LAMA2: variants seen among roughly 807,000 people sequenced by gnomAD.
The protein encoded by LAMA2 is laminin subunit alpha 2, also known as laminin subunit alpha-2.
Under a neutral mutation model 364.8 loss-of-function variants are expected in LAMA2, and 269 were observed. The ratio of observed to expected loss-of-function variants is 0.74; its 90% CI spans 0.67 to 0.82. The LOEUF (loss-of-function observed/expected upper bound fraction) is 0.82. Among genes scored for constraint, LAMA2 ranks in the 40% least tolerant of loss-of-function variants. The pLI, the probability that LAMA2 is intolerant of heterozygous loss-of-function variation, is 0.00. For missense variants in LAMA2, 3,807 were observed against 3,873.2 expected (o/e 0.98, Z 0.45); for synonymous variants, 1,379 against 1,370.6 (o/e 1.01, Z -0.14).
chr6:129,354,389 G>A (rs1286575986), intron 32 of LAMA2, among the ~76,000 whole-genome samples: 3 of 151,974 alleles, frequency 2.0e-5, no homozygotes, highest in Non-Finnish European at 4.4e-5. Context: ...TAAATGTGAA[G>A]GTAGGTGAGA....
At chr6:129,058,187 A>G (rs184594795) in intron 2 of LAMA2, among the ~76,000 whole-genome samples, 1 of 152,226 alleles carries the variant, frequency 6.6e-6, no homozygotes, top group South Asian at 2.1e-4. Context: ...GAGAGGGAGA[A>G]AGAAAAAGAC....
chr6:129,123,514 A>T (rs952045251), intron 4 of LAMA2, among the ~76,000 whole-genome samples: 1 of 152,168 alleles, frequency 6.6e-6, no homozygotes, highest in African/African-American at 2.4e-5. Flanking sequence ...AAATAAGGAA[A>T]ATGTGGTATA....
intron 12 of LAMA2, among the ~76,000 whole-genome samples, chr6:129,227,368 T>C (rs1206621104): frequency 6.6e-6 from 1 of 152,234 alleles, no homozygotes; most frequent in African/African-American, 2.4e-5. Context: ...GTTCCATTGC[T>C]GGCAAGGAGC....
intron 19 of LAMA2, 31 bp from the exon 20 acceptor site, chr6:129,291,583 T>C (rs1305609146): frequency 5.1e-5 from 78 of 1,528,200 alleles, no homozygotes; most frequent in Non-Finnish European, 7.0e-5. Context: ...TAGAAAGTTT[T>C]CCTGATCACA....
At chr6:128,896,834 T>C (rs1198085481) in intron 1 of LAMA2, among the ~76,000 whole-genome samples, 1 of 152,258 alleles carries the variant, frequency 6.6e-6, no homozygotes. Context: ...TTAATGGAAA[T>C]TAATTTATCT....
intron 61 of LAMA2, among the ~76,000 whole-genome samples, chr6:129,506,954 G>C (rs1786134466): frequency 6.6e-6 from 1 of 151,892 alleles, no homozygotes; most frequent in Admixed American, 6.6e-5. Context: ...TAAATTCCTT[G>C]AACCCCCAAT....
chr6:129,404,003 T>A (rs1780118635), intron 40 of LAMA2, 44 bp downstream of exon 40: 1 of 1,609,040 alleles, frequency 6.2e-7, no homozygotes. Flanking sequence ...AAGTCAACCT[T>A]TTTGAATTTT....
intron 51 of LAMA2, among the ~76,000 whole-genome samples, chr6:129,470,324 A>C (rs1053542475): frequency 2.6e-5 from 4 of 151,884 alleles, no homozygotes; most frequent in African/African-American, 9.7e-5. Flanking sequence ...TAAAGTACGC[A>C]AGGAAAATAT....
chr6:129,129,433 A>G (rs187910571), intron 4 of LAMA2, among the ~76,000 whole-genome samples: 13 of 152,316 alleles, frequency 8.5e-5, no homozygotes, highest in Admixed American at 8.5e-4. Context: ...TTCTGTACAT[A>G]CAGATTGTAC....
intron 27 of LAMA2, among the ~76,000 whole-genome samples, chr6:129,320,129 T>C (rs961745170): frequency 7.7e-6 from 1 of 130,230 alleles, no homozygotes; most frequent in Non-Finnish European, 1.8e-5. Flanking sequence ...TGAGACTCTG[T>C]CTCAAATAAA....
At chr6:129,168,957 C>A (rs566368131) in intron 9 of LAMA2, among the ~76,000 whole-genome samples, 25 of 152,092 alleles carry the variant, frequency 1.6e-4, no homozygotes, top group Non-Finnish European at 3.2e-4. Context: ...CATGATTTGG[C>A]TCTCTGTTTG....
intron 37 of LAMA2, among the ~76,000 whole-genome samples, chr6:129,399,764 C>T (rs1321986420): frequency 6.6e-6 from 1 of 152,142 alleles, no homozygotes; most frequent in Non-Finnish European, 1.5e-5. Context: ...TTGTATGTAC[C>T]TGGCAACATA....
chr6:129,040,878 G>C (rs1787042451), intron 1 of LAMA2, among the ~76,000 whole-genome samples: 1 of 152,162 alleles, frequency 6.6e-6, no homozygotes, highest in Non-Finnish European at 1.5e-5. Flanking sequence ...AGCTATGATG[G>C]AAGTTAGCCC....
At chr6:128,891,109 AT>A (rs966253063) in intron 1 of LAMA2, among the ~76,000 whole-genome samples, 2 of 152,030 alleles carry the variant, frequency 1.3e-5, no homozygotes, top group Non-Finnish European at 2.9e-5. Context: ...TTTCTGTTTG[AT>A]TTTTGTTGTC....
At chr6:128,917,147 C>T (rs1441538107) in intron 1 of LAMA2, among the ~76,000 whole-genome samples, 3 of 145,246 alleles carry the variant, frequency 2.1e-5, no homozygotes, top group Admixed American at 7.1e-5. Context: ...TCCCATTCTA[C>T]AAATAGAACA....
chr6:129,059,918 C>A (rs1395959968), intron 3 of LAMA2, 22 bp downstream of exon 3: 2 of 1,322,706 alleles, frequency 1.5e-6, no homozygotes, highest in South Asian at 2.3e-5. Context: ...CTTTTTTTGT[C>A]ATTTCCACTT....
At chr6:128,974,728 C>A (rs1782414019) in intron 1 of LAMA2, among the ~76,000 whole-genome samples, 3 of 152,132 alleles carry the variant, frequency 2.0e-5, no homozygotes, top group African/African-American at 7.2e-5. Flanking sequence ...TCCATTCATT[C>A]ATTTATTCCT....
intron 12 of LAMA2, among the ~76,000 whole-genome samples, chr6:129,205,112 G>C (rs1782535787): frequency 1.3e-5 from 2 of 152,024 alleles, no homozygotes; most frequent in South Asian, 4.1e-4. Context: ...AGTTATAGCT[G>C]GGCAGGGTGG....
At chr6:129,272,027 C>T (rs1303258232) in intron 17 of LAMA2, among the ~76,000 whole-genome samples, 4 of 152,082 alleles carry the variant, frequency 2.6e-5, no homozygotes, top group African/African-American at 9.7e-5. Flanking sequence ...TCCCAATGAC[C>T]TTCTTTACTC....
Sources: allele counts gnomAD v4.1 joint callset (sites outside exome capture counted in the v4.1 genomes callset), GRCh38; gene constraint gnomAD v4.1.1; transcripts MANE v1.5; gene names NCBI Gene and HGNC (gene_info 2026-07-23, HGNC 2026-07-21).